Variants in EPHA3 observed in about 807,000 individuals in gnomAD.
EPHA3 encodes the protein EPH receptor A3.
Under a neutral mutation model 107.1 loss-of-function variants are expected in EPHA3, and 42 were observed. That is an observed-to-expected ratio of 0.39 (90% CI 0.31 to 0.51). EPHA3 has a LOEUF of 0.51. Among genes scored for constraint, EPHA3 ranks in the 20% least tolerant of loss-of-function variants. The pLI is 0.78. For synonymous variants in EPHA3, 461 were observed against 424.8 expected (o/e 1.09, Z -1.05); for missense variants, 1,183 against 1,211.2 (o/e 0.98, Z 0.35).
At chr3:89,224,479 G>A (rs1576244759) in intron 3 of EPHA3, among the ~76,000 whole-genome samples, 1 of 152,098 alleles carries the variant, frequency 6.6e-6, no homozygotes, top group Non-Finnish European at 1.5e-5. Context: ...GAAGGTAACT[G>A]TTTTTATTTC....
intron 5 of EPHA3, among the ~76,000 whole-genome samples, chr3:89,375,261 AATATT>A (rs1708381263): frequency 6.6e-6 from 1 of 151,934 alleles, no homozygotes; most frequent in South Asian, 2.1e-4. Context: ...GGCTGTCACC[AATATT>A]CCTAAGTATT....
chr3:89,290,424 A>G (rs1420816572), intron 3 of EPHA3, among the ~76,000 whole-genome samples: 1 of 152,150 alleles, frequency 6.6e-6, no homozygotes, highest in Non-Finnish European at 1.5e-5. Context: ...GCTTTTACAC[A>G]TGTAGCATAC....
At chr3:89,334,846 G>C (rs1052440877) in intron 3 of EPHA3, among the ~76,000 whole-genome samples, 7 of 152,142 alleles carry the variant, frequency 4.6e-5, no homozygotes, top group Non-Finnish European at 7.3e-5. Context: ...GGAAAAGCTA[G>C]ATCAAAACAT....
intron 1 of EPHA3, among the ~76,000 whole-genome samples, chr3:89,122,991 C>T (rs1204208639): frequency 6.6e-6 from 1 of 152,120 alleles, no homozygotes; most frequent in Non-Finnish European, 1.5e-5. Flanking sequence ...GAGAGGATGA[C>T]TCTGGGAATC....
chr3:89,435,442 A>AAT lies in EPHA3; in HGVS notation c.2346+4097_2346+4098dup, dbSNP rs1553693693. ...TAGCAAGACTTCATCTCTGTTAAAA[A>AAT]ATATATATATATATAAATATATATT... On this transcript the variant is annotated intron_variant, in intron 13 of 16. Transcript: ENST00000336596. 1.8e-3 allele frequency among the ~76,000 whole-genome samples: 257 copies of AAT among 145,642 alleles called. 2 individuals are homozygous for AAT. The highest frequency in any genetic ancestry group is 6.7e-3 in the East Asian group (34 of 5,096).
At chr3:89,427,190 T>C (rs2107533044) in intron 11 of EPHA3, among the ~76,000 whole-genome samples, 1 of 152,006 alleles carries the variant, frequency 6.6e-6, no homozygotes, top group African/African-American at 2.4e-5. Flanking sequence ...TTGTAACATG[T>C]ATAAAAGTTA....
intron 3 of EPHA3, among the ~76,000 whole-genome samples, chr3:89,216,895 C>T (rs530625741): frequency 5.9e-5 from 9 of 152,062 alleles, no homozygotes; most frequent in Non-Finnish European, 8.8e-5. Context: ...CTTCTTCCAG[C>T]GTAAGGAGAA....
At chr3:89,144,961 A>C (rs1482912741) in intron 2 of EPHA3, among the ~76,000 whole-genome samples, 1 of 151,744 alleles carries the variant, frequency 6.6e-6, no homozygotes, top group East Asian at 1.9e-4. Context: ...TTCTTATAGT[A>C]TCAATAGTAA....
At chr3:89,338,081 C>G (rs1161305111) in intron 3 of EPHA3, among the ~76,000 whole-genome samples, 1 of 152,198 alleles carries the variant, frequency 6.6e-6, no homozygotes, top group Non-Finnish European at 1.5e-5. Context: ...TTTAATCGGA[C>G]TTCTGTGTAC....
At chr3:89,386,238 C>T (rs114494530) in intron 5 of EPHA3, among the ~76,000 whole-genome samples, 2,432 of 152,220 alleles carry the variant, frequency 0.016, 68 homozygotes, top group African/African-American at 0.055. Context: ...CCAAGACAAT[C>T]GGGAAAACAT....
intron 5 of EPHA3, among the ~76,000 whole-genome samples, chr3:89,377,895 T>C (rs1385965366): frequency 6.6e-6 from 1 of 151,972 alleles, no homozygotes; most frequent in African/African-American, 2.4e-5. Context: ...CATAGAAAAA[T>C]GTTCAAAATC....
At chr3:89,133,815 G>A (rs1704255094) in intron 2 of EPHA3, among the ~76,000 whole-genome samples, 1 of 152,054 alleles carries the variant, frequency 6.6e-6, no homozygotes, top group Non-Finnish European at 1.5e-5. Context: ...AAACTGCAGT[G>A]GATCAGACCA....
intron 1 of EPHA3, among the ~76,000 whole-genome samples, chr3:89,116,815 A>T (rs1471282288): frequency 1.3e-5 from 2 of 151,912 alleles, no homozygotes; most frequent in African/African-American, 4.8e-5. Context: ...CAAAGTGAAG[A>T]ATTAGCAACA....
At chr3:89,397,836 G>A (rs1411566136) in intron 6 of EPHA3, among the ~76,000 whole-genome samples, 1 of 152,116 alleles carries the variant, frequency 6.6e-6, no homozygotes, top group Non-Finnish European at 1.5e-5. Flanking sequence ...ACCCGCCTGG[G>A]CCTCCCAAAG....
intron 2 of EPHA3, among the ~76,000 whole-genome samples, chr3:89,157,907 G>A (rs762432840): frequency 1.8e-4 from 28 of 151,620 alleles, no homozygotes; most frequent in Non-Finnish European, 3.4e-4. Context: ...GAGAGTTAAT[G>A]GGCAGGGCTG....
At chr3:89,301,251 A>G (rs931203945) in intron 3 of EPHA3, among the ~76,000 whole-genome samples, 5 of 152,138 alleles carry the variant, frequency 3.3e-5, no homozygotes, top group Admixed American at 3.3e-4. Flanking sequence ...GAGTGTAGCA[A>G]CATTGTAGGA....
At chr3:89,399,292 A>G (rs1289464728) in intron 6 of EPHA3, 26 bp from the exon 7 acceptor site, 5 of 1,583,110 alleles carry the variant, frequency 3.2e-6, no homozygotes, top group African/African-American at 2.7e-5. Context: ...TGATTTTAAC[A>G]TGAATTTTTT....
chr3:89,190,208 A>G (rs1229871283), intron 2 of EPHA3, among the ~76,000 whole-genome samples: 2 of 152,178 alleles, frequency 1.3e-5, no homozygotes, highest in Admixed American at 6.5e-5. Context: ...AGAGAAGCTG[A>G]TAAAGAAAAA....
intron 5 of EPHA3, among the ~76,000 whole-genome samples, chr3:89,393,613 A>G (rs78333070): frequency 0.031 from 4,796 of 152,308 alleles, 244 homozygotes; most frequent in African/African-American, 0.11. Flanking sequence ...TCTTGAAACC[A>G]ACATTAAATG....
Sources: gnomAD v4.1 joint callset for allele counts (sites outside exome capture counted in the v4.1 genomes callset) on GRCh38, gnomAD v4.1.1 for gene constraint, MANE v1.5 for transcripts, NCBI Gene and HGNC (gene_info 2026-07-23, HGNC 2026-07-21) for gene names.